The following NEDD9 variants were observed in gnomAD, a reference collection of about 807,000 sequenced individuals.
The protein encoded by NEDD9 is enhancer of filamentation 1.
NEDD9 carries 26 observed loss-of-function variants against 76.6 expected under a neutral mutation model. The ratio of observed to expected loss-of-function variants is 0.34; its 90% CI spans 0.25 to 0.47. The LOEUF (loss-of-function observed/expected upper bound fraction) is 0.47. Among genes scored for constraint, NEDD9 ranks in the 20% least tolerant of loss-of-function variants. NEDD9 has a pLI of 1.00. For synonymous variants in NEDD9, 392 were observed against 414.2 expected, an observed-to-expected ratio of 0.95 and a Z score of 0.65; for missense variants, 937 against 1,058.5, an observed-to-expected ratio of 0.89 and a Z score of 1.59.
upstream of NEDD9, among the ~76,000 whole-genome samples, chr6:11,235,961 G>A (rs746731559): frequency 6.6e-5 from 10 of 152,186 alleles, no homozygotes; most frequent in South Asian, 4.1e-4. The surrounding 1 kb of genome is among the most constrained non-coding windows in gnomAD (Gnocchi z 4.1). Context: ...AACACTCAAG[G>A]ACAGCAGGCT....
Position 11,267,324 on chromosome 6 carries a change from G to C in NEDD9, c.12+38668C>G, listed in dbSNP as rs111809360. ...AAATGGCTCTTGTGCTTATTAGATAGCAGATGAACTGATGAACTGAATTCT... is the reference window on the plus strand; with the variant it reads ...AAATGGCTCTTGTGCTTATTAGATACCAGATGAACTGATGAACTGAATTCT... On this transcript the variant is annotated intron_variant, in intron 3 of 3. Coordinates refer to the NEDD9 transcript ENST00000397378. Among the ~76,000 whole-genome samples, 550 of 151,220 alleles carry C rather than the reference G, an allele frequency of 3.6e-3. 2 individuals carry two copies. The highest frequency in any genetic ancestry group is 0.013 in the African/African-American group (523 of 41,164).
intron 2 of NEDD9, among the ~76,000 whole-genome samples, chr6:11,201,525 T>G (rs917930172): frequency 6.6e-6 from 1 of 152,042 alleles, no homozygotes; most frequent in Non-Finnish European, 1.5e-5. Context: ...AGCAGAAAAA[T>G]CCTACTCTTT....
At chr6:11,195,310 C>G (rs751703383) in intron 2 of NEDD9, among the ~76,000 whole-genome samples, 1 of 152,154 alleles carries the variant, frequency 6.6e-6, no homozygotes, top group African/African-American at 2.4e-5. Flanking sequence ...AAAAAAGGAA[C>G]CTATTGCTTT....
rs368452947 is a variant in NEDD9 at position 11,274,171 on chromosome 6, A to G, written c.12+31821T>C. Among the ~76,000 whole-genome samples, 3 of 152,246 alleles carry G rather than the reference A, an allele frequency of 2.0e-5. No homozygotes were observed. In the South Asian group the frequency reaches 6.2e-4, roughly 31 times the overall value. On this transcript the variant is annotated intron_variant, in intron 3 of 3. Transcript: ENST00000397378. The stretch of plus-strand genomic sequence containing the variant: ...TTTTGGAACATACCCTCATTTGCAC[A>G]TATCTCAATTTCCAAGTTTTACGGA...
chr6:11,184,763 A>C lies in NEDD9; in HGVS notation c.*399T>G, dbSNP rs1757932860. On this transcript the variant is annotated 3_prime_UTR_variant, in exon 7 of 7. Transcript: ENST00000379446. ...GGACGTGGAGAACAATATTATAACCAGCTGGTATGTTTTTAACAACAACAA... is the reference window on the plus strand; with the variant it reads ...GGACGTGGAGAACAATATTATAACCCGCTGGTATGTTTTTAACAACAACAA... 6.1e-6 allele frequency: 1 copy of C among 164,260 alleles called. No homozygotes were observed. The highest frequency in any genetic ancestry group is 1.3e-5 in the Non-Finnish European group (1 of 74,424). 10.2% of individuals were successfully genotyped at this position (164,260 alleles called of 1,614,324 possible).
intron 2 of NEDD9, among the ~76,000 whole-genome samples, chr6:11,314,967 TTGAG>T (rs1254596436): frequency 6.6e-6 from 1 of 152,230 alleles, no homozygotes; most frequent in Non-Finnish European, 1.5e-5. Context: ...ATATTATAAA[TTGAG>T]TGAAGCTCTC....
At chr6:11,309,528 C>T (rs1761302584) in intron 2 of NEDD9, among the ~76,000 whole-genome samples, 1 of 152,168 alleles carries the variant, frequency 6.6e-6, no homozygotes, top group South Asian at 2.1e-4. Context: ...ACTACAGGCT[C>T]ACAGAACCTT....
intron 2 of NEDD9, among the ~76,000 whole-genome samples, chr6:11,331,311 A>G (rs570010245): frequency 1.8e-4 from 26 of 143,504 alleles, no homozygotes; most frequent in Non-Finnish European, 2.6e-4. Flanking sequence ...TAGGGCTGAG[A>G]GAATAGATAG....
chr6:11,315,707 T>C (rs1038483588), intron 2 of NEDD9, among the ~76,000 whole-genome samples: 1 of 152,126 alleles, frequency 6.6e-6, no homozygotes, highest in African/African-American at 2.4e-5. Context: ...AATCCTCAGG[T>C]GTGTTTTAAA....
intron 1 of NEDD9, among the ~76,000 whole-genome samples, chr6:11,381,271 G>A (rs1326838094): frequency 6.6e-6 from 1 of 152,164 alleles, no homozygotes; most frequent in Non-Finnish European, 1.5e-5. Context: ...GGGAAGGAGG[G>A]ACTCCCCATG....
chr6:11,321,121 AAAGG>A (rs960737586), intron 2 of NEDD9, among the ~76,000 whole-genome samples: 5 of 149,738 alleles, frequency 3.3e-5, no homozygotes, highest in African/African-American at 1.2e-4. Context: ...AGGGGCAAAG[AAAGG>A]AAGGAAGGAA....
At chr6:11,365,993 A>G (rs146626547) in intron 1 of NEDD9, among the ~76,000 whole-genome samples, 2 of 149,658 alleles carry the variant, frequency 1.3e-5, no homozygotes, top group African/African-American at 4.9e-5. Context: ...ACACAGTCAA[A>G]AAAAGAAAGA....
intron 3 of NEDD9, among the ~76,000 whole-genome samples, chr6:11,268,989 T>C (rs1760252891): frequency 6.6e-6 from 1 of 152,176 alleles, no homozygotes; most frequent in Non-Finnish European, 1.5e-5. Flanking sequence ...TGAAATTTCT[T>C]ATTACGTAAA....
chr6:11,284,280 T>A (rs1164988799), intron 3 of NEDD9, among the ~76,000 whole-genome samples: 2 of 150,614 alleles, frequency 1.3e-5, no homozygotes, highest in East Asian at 3.9e-4. Flanking sequence ...CTGGGCGCAG[T>A]GTCAGTGGCT....
rs80318258 is a variant in NEDD9, at chr6:11,200,699, G to A, written c.460-7007C>T. On this transcript the variant is annotated intron_variant, in intron 2 of 6. Coordinates refer to ENST00000379446, the MANE Select transcript of NEDD9 (RefSeq NM_006403.4). ...TGCTCAAAATGAGATCTACGAGGCA[G>A]TGAGAATTTCAAACCAAAGCAGCAA... 2.9e-4 allele frequency: 373 copies of A among 1,297,530 alleles called. 2 individuals are homozygous for A. The African/African-American group carries it at 4.3e-3, about 15-fold the overall frequency. The allele number at this position is 1,297,530 out of a possible 1,614,324, so 80.4% of individuals were successfully genotyped here. A position where few individuals can be genotyped will look rare whatever the true frequency, so the allele number is the denominator to read the frequency against.
chr6:11,318,653 G>A (rs1761652873), intron 2 of NEDD9, among the ~76,000 whole-genome samples: 2 of 152,032 alleles, frequency 1.3e-5, no homozygotes, highest in African/African-American at 2.4e-5. Flanking sequence ...TCAGAGACTT[G>A]GCAGCTTTTT....
intron 2 of NEDD9, among the ~76,000 whole-genome samples, chr6:11,201,568 C>T (rs1048729315): frequency 3.3e-5 from 5 of 152,168 alleles, no homozygotes; most frequent in African/African-American, 1.2e-4. Context: ...GGATGGGAGA[C>T]AGAGAGATGG....
intron 3 of NEDD9, among the ~76,000 whole-genome samples, chr6:11,287,252 A>G (rs1237068784): frequency 6.6e-6 from 1 of 152,062 alleles, no homozygotes; most frequent in African/African-American, 2.4e-5. Context: ...ACATGGCAAA[A>G]CCCCATCTCT....
At chr6:11,216,117 A>G (rs1189200549) in intron 1 of NEDD9, among the ~76,000 whole-genome samples, 3 of 152,176 alleles carry the variant, frequency 2.0e-5, no homozygotes, top group Non-Finnish European at 4.4e-5. Context: ...AGTCTGGGCT[A>G]ATGTGGGCAC....
Sources: allele counts gnomAD v4.1 joint callset (sites outside exome capture counted in the v4.1 genomes callset), GRCh38; gene constraint gnomAD v4.1.1; non-coding constraint Gnocchi (gnomAD v3.1); transcripts MANE v1.5; gene names NCBI Gene and HGNC (gene_info 2026-07-23, HGNC 2026-07-21).